The following LRPPRC variants were observed in gnomAD, a reference collection of about 807,000 sequenced individuals.
LRPPRC encodes the protein leucine rich pentatricopeptide repeat containing.
LRPPRC carries 120 observed loss-of-function variants against 180.3 expected under a neutral mutation model. The ratio of observed to expected loss-of-function variants is 0.67; its 90% CI spans 0.57 to 0.77. The LOEUF is 0.77. Among genes scored for constraint, LRPPRC ranks in the 30% least tolerant of loss-of-function variants. The probability of loss-of-function intolerance (pLI) is 0.00; values close to 1 mark genes in which losing one functional copy is unlikely to be tolerated. For missense variants in LRPPRC, 2,012 were observed against 1,657.2 expected (o/e 1.21, Z -3.72); for synonymous variants, 723 against 600.0 (o/e 1.21, Z -3.00).
chr2:43,945,239 T>A, intron 22 of LRPPRC, 93 bp downstream of exon 22: 1 of 890,194 alleles, frequency 1.1e-6, no homozygotes, highest in Non-Finnish European at 1.9e-6. Flanking sequence ...TTCAAGCACT[T>A]TGCAGGACAT....
intron 31 of LRPPRC, chr2:43,902,690 CA>C (rs563174303): frequency 6.6e-6 from 1 of 151,870 alleles, no homozygotes; most frequent in Non-Finnish European, 1.5e-5. Flanking sequence ...ATATAGGAAA[CA>C]AAAAATGTTT....
At position 43,981,656 on chromosome 2, in the gene LRPPRC, T is replaced by C. The variant is rs149097040; in HGVS notation, c.346+582A>G. Among the ~76,000 whole-genome samples, 8 of 149,504 alleles carry C rather than the reference T, an allele frequency of 5.4e-5. No homozygotes were observed. In the East Asian group the frequency reaches 1.6e-3, roughly 29 times the overall value. The stretch of plus-strand genomic sequence containing the variant: ...TGCTGGGCGACAGAGCGATACTCCA[T>C]CCCAAAAAAAAAAAATCTAAAAATG... On this transcript the variant is annotated intron_variant, in intron 2 of 37. Coordinates refer to ENST00000260665, the MANE Select transcript of LRPPRC (RefSeq NM_133259.4).
chr2:43,955,826 A>G (rs977708606), intron 14 of LRPPRC, among the ~76,000 whole-genome samples: 3 of 152,192 alleles, frequency 2.0e-5, no homozygotes, highest in Non-Finnish European at 2.9e-5. Flanking sequence ...GGGAAAAGTA[A>G]TGGAAAAACA....
intron 1 of LRPPRC, among the ~76,000 whole-genome samples, chr2:43,989,740 T>C (rs1169478954): frequency 6.6e-6 from 1 of 152,218 alleles, no homozygotes; most frequent in Non-Finnish European, 1.5e-5. Context: ...TGTAAAACAC[T>C]TGTAACATAT....
chr2:43,895,833 A>G (rs752819756), intron 35 of LRPPRC, among the ~76,000 whole-genome samples: 5 of 152,216 alleles, frequency 3.3e-5, no homozygotes, highest in Middle Eastern at 3.2e-3. Flanking sequence ...TACAAGAGGT[A>G]AAATCCGATC....
Position 43,995,855 on chromosome 2 carries a change from C to T in LRPPRC, c.93G>A (p.Pro31=), listed in dbSNP as rs1172113556. ...GATAGGAGGCGGCATGCAGCCGGCC[C>T]GGGCCGCCAGGGAGGAGGCGCAGGG... The part of the protein sequence containing the change: ...PLSLRLLPGG[P]GRLHAASYLP... Residue 31 remains proline (P), a synonymous_variant, in exon 1 of 38, where the codon CCG becomes CCA. Transcript: ENST00000260665. 4 of 1,483,366 alleles carry T rather than the reference C, an allele frequency of 2.7e-6. No individual in the cohort carries two copies. The highest frequency in any genetic ancestry group is 2.3e-5 in the Admixed American group (1 of 43,456). The allele number at this position is 1,483,366 out of a possible 1,614,324, so 91.9% of individuals were successfully genotyped here. A position where few individuals can be genotyped will look rare whatever the true frequency, so the allele number is the denominator to read the frequency against.
At chr2:43,892,228 C>T (rs887944928) in intron 36 of LRPPRC, among the ~76,000 whole-genome samples, 5 of 152,180 alleles carry the variant, frequency 3.3e-5, no homozygotes, top group African/African-American at 1.2e-4. Flanking sequence ...ATAAAACAGT[C>T]TTATATTAGA....
intron 1 of LRPPRC, among the ~76,000 whole-genome samples, chr2:43,985,733 T>C (rs1674501347): frequency 6.6e-6 from 1 of 152,276 alleles, no homozygotes; most frequent in East Asian, 1.9e-4. Flanking sequence ...ATTTGCCTAC[T>C]GAAGGACATC....
chr2:43,981,476 T>C (rs1052564658), intron 2 of LRPPRC, among the ~76,000 whole-genome samples: 5 of 152,044 alleles, frequency 3.3e-5, no homozygotes, highest in African/African-American at 1.2e-4. Context: ...CTGGCCAACA[T>C]GGTGAAACCC....
At chr2:43,960,419 C>A in intron 13 of LRPPRC, 122 bp downstream of exon 13, 1 of 709,924 alleles carries the variant, frequency 1.4e-6, no homozygotes, top group Non-Finnish European at 2.6e-6. Flanking sequence ...ACCGTTTTAT[C>A]AGTCTGGCTT....
Position 43,982,340 on chromosome 2 carries a change from G to T in LRPPRC, c.244C>A (p.Gln82Lys). ...AGTCTCATTAGAGCCCAATCAAACTGATTGGAAATCTTCCTAGAAGAAAAA... is the reference window on the plus strand; with the variant it reads ...AGTCTCATTAGAGCCCAATCAAACTTATTGGAAATCTTCCTAGAAGAAAAA... ...STFSSRKISNQFDWALMRLDL... is the reference protein window; with the variant it reads ...STFSSRKISNKFDWALMRLDL... Residue 82 changes from glutamine (Q) to lysine (K), a missense_variant, in exon 2 of 38, where the codon CAG (glutamine) becomes AAG (lysine). Coordinates refer to ENST00000260665, the MANE Select transcript of LRPPRC (RefSeq NM_133259.4). 8 of 1,613,368 alleles carry T rather than the reference G, an allele frequency of 5.0e-6. No homozygotes were observed. The highest frequency in any genetic ancestry group is 6.8e-6 in the Non-Finnish European group (8 of 1,179,384).
At chr2:43,965,052 A>T (rs1309199813) in intron 11 of LRPPRC, among the ~76,000 whole-genome samples, 1 of 152,146 alleles carries the variant, frequency 6.6e-6, no homozygotes, top group African/African-American at 2.4e-5. Flanking sequence ...CCCAAGCTGG[A>T]GTGCAGTGGT....
intron 2 of LRPPRC, 23 bp from the exon 3 acceptor site, chr2:43,979,971 T>C (rs1674231695): frequency 6.2e-7 from 1 of 1,608,986 alleles, no homozygotes; most frequent in Non-Finnish European, 8.5e-7. Flanking sequence ...GGTTAATGGA[T>C]AACATTTAAC....
At chr2:43,946,072 G>A in intron 21 of LRPPRC, 41 bp downstream of exon 21, 3 of 1,597,304 alleles carry the variant, frequency 1.9e-6, no homozygotes, top group Non-Finnish European at 2.6e-6. Context: ...CTGTAGAGCA[G>A]AATAAATGTT....
intron 11 of LRPPRC, among the ~76,000 whole-genome samples, chr2:43,970,916 T>C (rs1265140179): frequency 6.6e-6 from 1 of 152,132 alleles, no homozygotes; most frequent in Non-Finnish European, 1.5e-5. Flanking sequence ...CTGGCCAACA[T>C]GGTGAAACCC....
chr2:43,995,886 G>C lies in LRPPRC; in HGVS notation c.62C>G (p.Pro21Arg), dbSNP rs746496250. The change falls in exon 1 of 38, where the codon CCG becomes CGG. Residue 21 changes from proline to arginine, a missense_variant. By Grantham distance (103) the Pro-to-Arg change is moderately radical. Transcript: ENST00000260665. ...LLRAGAAPRLPLSLRLLPGGP... is the reference protein window; with the variant it reads ...LLRAGAAPRLRLSLRLLPGGP... ...GCCAGGGAGGAGGCGCAGGGAGAGCGGGAGGCGCGGGGCCGCCCCGGCACG... is the reference window on the plus strand; with the variant it reads ...GCCAGGGAGGAGGCGCAGGGAGAGCCGGAGGCGCGGGGCCGCCCCGGCACG... 2.9e-5 allele frequency: 44 copies of C among 1,507,840 alleles called. No homozygotes were observed. Among genetic ancestry groups the C allele is most frequent in the Non-Finnish European group, 3.4e-5 (39 of 1,136,064 alleles). 93.4% of individuals were successfully genotyped at this position (1,507,840 alleles called of 1,614,324 possible).
chr2:43,968,782 C>A (rs1301342357), intron 11 of LRPPRC, among the ~76,000 whole-genome samples: 1 of 152,114 alleles, frequency 6.6e-6, no homozygotes, highest in Non-Finnish European at 1.5e-5. Context: ...TGAGTAAGTT[C>A]TAGGGTTCTA....
In LRPPRC at chr2:43,887,888, C is replaced by T. The variant is rs1316800806; in HGVS notation, c.*712G>A. On this transcript the variant is annotated 3_prime_UTR_variant, in exon 38 of 38. Transcript: ENST00000260665. ...TTGTACTGACAAAGTCCTGAAACTA[C>T]AATGAGAGGAAACACATTGCTCTAC... The T allele has an allele frequency of 6.6e-6, 1 of 152,340 alleles. No individual in the cohort carries two copies. The highest frequency in any genetic ancestry group is 1.5e-5 in the Non-Finnish European group (1 of 68,180). The allele number at this position is 152,340 out of a possible 1,614,324, so 9.4% of individuals were successfully genotyped here.
At chr2:43,949,547 T>C (rs1003956789) in intron 16 of LRPPRC, 55 bp downstream of exon 16, 18 of 1,349,168 alleles carry the variant, frequency 1.3e-5, no homozygotes, top group Non-Finnish European at 1.8e-5. Flanking sequence ...AACCCATCAT[T>C]ACACAGAAAA....
Sources: allele counts gnomAD v4.1 joint callset (sites outside exome capture counted in the v4.1 genomes callset), GRCh38; gene constraint gnomAD v4.1.1; transcripts MANE v1.5; gene names NCBI Gene and HGNC (gene_info 2026-07-23, HGNC 2026-07-21).